Variants in SDCCAG8 observed in about 807,000 individuals in gnomAD.
SDCCAG8 encodes the protein SHH signaling and ciliogenesis regulator SDCCAG8, also known as serologically defined colon cancer antigen 8.
SDCCAG8 carries 74 observed loss-of-function variants against 101.8 expected under a neutral mutation model. That is an observed-to-expected ratio of 0.73 (90% CI 0.60 to 0.88). The LOEUF is 0.88. Among genes scored for constraint, SDCCAG8 ranks in the 40% least tolerant of loss-of-function variants. The pLI, the probability that SDCCAG8 is intolerant of heterozygous loss-of-function variation, is 0.00. For missense variants in SDCCAG8, 787 were observed against 822.6 expected (o/e 0.96, Z 0.53); for synonymous variants, 281 against 292.9 (o/e 0.96, Z 0.41).
intron 4 of SDCCAG8, among the ~76,000 whole-genome samples, 189 bp from the exon 5 acceptor site, chr1:243,286,083 A>G (rs1371770268): frequency 2.0e-5 from 3 of 152,236 alleles, no homozygotes; most frequent in Non-Finnish European, 2.9e-5. Context: ...GCCCATTACT[A>G]TATACCCCAG....
chr1:243,484,187 C>T (rs1448810054), intron 16 of SDCCAG8, among the ~76,000 whole-genome samples: 1 of 152,264 alleles, frequency 6.6e-6, no homozygotes, highest in Non-Finnish European at 1.5e-5. Flanking sequence ...GCCTGCAGGA[C>T]GAAGTCCATA....
At chr1:243,268,767 T>C (rs2067838275) in intron 1 of SDCCAG8, among the ~76,000 whole-genome samples, 3 of 152,226 alleles carry the variant, frequency 2.0e-5, no homozygotes, top group African/African-American at 7.2e-5. Flanking sequence ...TGGAAACTGC[T>C]TTTCAAGGTC....
rs183029538 is a variant in SDCCAG8, at chr1:243,348,899, T to C, written c.1473+4568T>C. On this transcript the variant is annotated intron_variant, in intron 12 of 17. Coordinates refer to ENST00000366541, the MANE Select transcript of SDCCAG8 (RefSeq NM_006642.5). ...TACTCAGGAGGGTGAGGCAGGAGAA[T>C]TGCTTGAACCCAGGAGGCGGACGTT... is the stretch of plus-strand genomic sequence containing the variant. Among the ~76,000 whole-genome samples, 26 of 151,686 alleles carry C rather than the reference T, an allele frequency of 1.7e-4. 1 individual carries two copies. Among genetic ancestry groups the C allele is most frequent in the Admixed American group, 9.2e-4 (14 of 15,260 alleles).
chr1:243,447,265 A>AC (rs1187935154), intron 16 of SDCCAG8, among the ~76,000 whole-genome samples: 2 of 150,842 alleles, frequency 1.3e-5, no homozygotes, highest in African/African-American at 2.4e-5. Context: ...AAAAAAAAAA[A>AC]AAAAAAAAAA....
intron 16 of SDCCAG8, among the ~76,000 whole-genome samples, chr1:243,477,014 A>ACACACG (rs985632788): frequency 8.3e-5 from 7 of 84,354 alleles, no homozygotes; most frequent in East Asian, 5.6e-4. Flanking sequence ...ACACACACAC[A>ACACACG]CACACACACA....
chr1:243,340,822 G>A (rs573398524), intron 10 of SDCCAG8, among the ~76,000 whole-genome samples: 3 of 152,290 alleles, frequency 2.0e-5, no homozygotes, highest in Admixed American at 2.0e-4. Context: ...TTTTCAAAAT[G>A]AGGTTAGAGA....
chr1:243,334,888 C>T (rs567847447), intron 10 of SDCCAG8, among the ~76,000 whole-genome samples: 18 of 152,244 alleles, frequency 1.2e-4, no homozygotes, highest in African/African-American at 4.3e-4. Flanking sequence ...GCGCGTGGCC[C>T]AGAACTTTTC....
intron 12 of SDCCAG8, among the ~76,000 whole-genome samples, chr1:243,373,100 G>A (rs1048606205): frequency 2.0e-5 from 3 of 151,910 alleles, no homozygotes; most frequent in African/African-American, 7.2e-5. Flanking sequence ...ATGTGTGTGT[G>A]TCTCTGAATT....
At chr1:243,258,821 A>G (rs1386342360) in intron 1 of SDCCAG8, among the ~76,000 whole-genome samples, 1 of 152,250 alleles carries the variant, frequency 6.6e-6, no homozygotes, top group Non-Finnish European at 1.5e-5. Context: ...ATGTAGTAAG[A>G]TAAAATGCAG....
intron 16 of SDCCAG8, among the ~76,000 whole-genome samples, chr1:243,468,289 C>T (rs1377822880): frequency 6.6e-6 from 1 of 151,000 alleles, no homozygotes; most frequent in African/African-American, 2.4e-5. Context: ...ATGATCTTGG[C>T]TCACTGCAAC....
intron 16 of SDCCAG8, among the ~76,000 whole-genome samples, chr1:243,460,348 G>A (rs186523239): frequency 2.4e-4 from 36 of 152,108 alleles, no homozygotes; most frequent in Non-Finnish European, 3.7e-4. Flanking sequence ...GAGGATCTCC[G>A]GGAGGATTCT....
intron 3 of SDCCAG8, among the ~76,000 whole-genome samples, 186 bp downstream of exon 3, chr1:243,271,249 A>AT (rs200749318): frequency 0.018 from 2,673 of 151,782 alleles, 36 homozygotes; most frequent in Non-Finnish European, 0.027. Context: ...GGGAATCTTG[A>AT]TTTTTTAAAT....
chr1:243,450,848 G>A (rs747159601), intron 16 of SDCCAG8, among the ~76,000 whole-genome samples: 1 of 152,088 alleles, frequency 6.6e-6, no homozygotes, highest in Non-Finnish European at 1.5e-5. Context: ...TAGTAGAGAC[G>A]GGGTTTCACC....
At chr1:243,310,053 G>A (rs191208300) in intron 8 of SDCCAG8, among the ~76,000 whole-genome samples, 16 of 151,978 alleles carry the variant, frequency 1.1e-4, no homozygotes, top group African/African-American at 3.6e-4. Context: ...TAGTAAAGAC[G>A]GGGTTTCACC....
chr1:243,468,543 C>A (rs539585069), intron 16 of SDCCAG8, among the ~76,000 whole-genome samples: 7 of 152,250 alleles, frequency 4.6e-5, no homozygotes, highest in Admixed American at 3.9e-4. Context: ...AAAATGCGGC[C>A]AGGTGCAATG....
chr1:243,268,094 TTCC>T (rs2067780614), intron 1 of SDCCAG8: 1 of 712,776 alleles, frequency 1.4e-6, no homozygotes, highest in Admixed American at 2.2e-5. Flanking sequence ...GGTTGTATAG[TTCC>T]TCATTTTCTT....
chr1:243,366,923 C>T (rs911025467), intron 12 of SDCCAG8, among the ~76,000 whole-genome samples: 14 of 152,004 alleles, frequency 9.2e-5, no homozygotes, highest in African/African-American at 2.4e-4. Flanking sequence ...TTGCACATAG[C>T]AGGCACATAG....
chr1:243,412,163 A>G (rs2080228017), intron 13 of SDCCAG8, among the ~76,000 whole-genome samples: 1 of 152,198 alleles, frequency 6.6e-6, no homozygotes, highest in African/African-American at 2.4e-5. Context: ...TGCCTTTCAC[A>G]TAAGAGAGTT....
At chr1:243,494,469 C>T (rs1170599770) in intron 17 of SDCCAG8, among the ~76,000 whole-genome samples, 1 of 152,070 alleles carries the variant, frequency 6.6e-6, no homozygotes, top group Non-Finnish European at 1.5e-5. Context: ...GACACAAGAC[C>T]CTGGGTGCTG....
Sources: gnomAD v4.1 joint callset for allele counts (sites outside exome capture counted in the v4.1 genomes callset) on GRCh38, gnomAD v4.1.1 for gene constraint, MANE v1.5 for transcripts, NCBI Gene and HGNC (gene_info 2026-07-23, HGNC 2026-07-21) for gene names.